Variants in BMPR1B observed in about 807,000 individuals in gnomAD.
The protein encoded by BMPR1B is bone morphogenetic protein receptor type-1B.
BMPR1B carries 12 observed loss-of-function variants against 59.1 expected under a neutral mutation model. The observed-to-expected ratio is 0.20, with a 90% CI of 0.13 to 0.33. The LOEUF (loss-of-function observed/expected upper bound fraction) is 0.33, where lower values mean the gene tolerates loss of function less well. Among genes scored for constraint, BMPR1B ranks in the 10% least tolerant of loss-of-function variants. The pLI, the probability that BMPR1B is intolerant of heterozygous loss-of-function variation, is 1.00. For synonymous variants in BMPR1B, 237 were observed against 207.3 expected (o/e 1.14, Z -1.23); for missense variants, 550 against 610.9 (o/e 0.90, Z 1.05).
intron 3 of BMPR1B, among the ~76,000 whole-genome samples, chr4:95,065,255 G>A (rs760962203): frequency 6.6e-6 from 1 of 152,092 alleles, no homozygotes; most frequent in Non-Finnish European, 1.5e-5. Context: ...AAGACCATAG[G>A]TTGTGTTTTC....
chr4:95,066,932 C>G (rs537693242), intron 3 of BMPR1B, among the ~76,000 whole-genome samples: 1 of 152,126 alleles, frequency 6.6e-6, no homozygotes, highest in Non-Finnish European at 1.5e-5. Context: ...AGTTTTGGAA[C>G]GATTAAAGCA....
intron 1 of BMPR1B, among the ~76,000 whole-genome samples, chr4:94,805,984 A>G (rs535900102): frequency 6.6e-6 from 1 of 152,312 alleles, no homozygotes; most frequent in Admixed American, 6.5e-5. Flanking sequence ...CAATTTCCTT[A>G]AAATATATTT....
intron 3 of BMPR1B, among the ~76,000 whole-genome samples, chr4:95,104,083 T>C (rs1301636815): frequency 6.6e-6 from 1 of 151,772 alleles, no homozygotes; most frequent in Non-Finnish European, 1.5e-5. Context: ...GATGATAGTG[T>C]TTACCCATGG....
chr4:94,854,446 C>T (rs2148950135), intron 1 of BMPR1B, among the ~76,000 whole-genome samples: 1 of 152,182 alleles, frequency 6.6e-6, no homozygotes, highest in East Asian at 1.9e-4. Flanking sequence ...TCAGAAACAA[C>T]AAGGGGTATT....
chr4:94,801,954 G>A (rs1490428760), intron 1 of BMPR1B, among the ~76,000 whole-genome samples: 1 of 152,154 alleles, frequency 6.6e-6, no homozygotes, highest in African/African-American at 2.4e-5. Flanking sequence ...GTTATACTGT[G>A]TAAACAAAAG....
intron 3 of BMPR1B, among the ~76,000 whole-genome samples, chr4:95,065,067 C>T (rs115222209): frequency 1.3e-5 from 2 of 152,238 alleles, no homozygotes; most frequent in Non-Finnish European, 2.9e-5. Flanking sequence ...AAAAAACTTG[C>T]ACCCAGATGT....
chr4:94,955,079 A>G (rs1196816995), intron 2 of BMPR1B, among the ~76,000 whole-genome samples: 2 of 152,166 alleles, frequency 1.3e-5, no homozygotes, highest in South Asian at 2.1e-4. Flanking sequence ...TATAGTATGC[A>G]TATTTCTATC....
At chr4:94,900,394 T>TAATC (rs1465280366) in intron 2 of BMPR1B, among the ~76,000 whole-genome samples, 1 of 151,994 alleles carries the variant, frequency 6.6e-6, no homozygotes, top group Admixed American at 6.6e-5. Context: ...TTTTACATGT[T>TAATC]AATCAGAGTG....
At chr4:94,877,798 TAGAAGTGTA>T (rs139018054) in intron 2 of BMPR1B, among the ~76,000 whole-genome samples, 2,949 of 152,284 alleles carry the variant, frequency 0.019, 112 homozygotes, top group African/African-American at 0.066. Flanking sequence ...TATATATGTA[TAGAAGTGTA>T]ATATTTATTA....
intron 1 of BMPR1B, among the ~76,000 whole-genome samples, chr4:94,868,691 G>A (rs190716931): frequency 2.6e-5 from 4 of 152,308 alleles, no homozygotes; most frequent in Non-Finnish European, 5.9e-5. Flanking sequence ...GCTTGAGGCT[G>A]TGAACAACAG....
In BMPR1B at chr4:95,135,866, C is replaced by T. The variant is rs1733739018; in HGVS notation, c.1076+4354C>T. The stretch of plus-strand genomic sequence containing the variant: ...GAATACCCTTTATTTCTTTCTCCTG[C>T]TGGATTGCTTTGGCCAGAACTTCCA... On this transcript the variant is annotated intron_variant, in intron 10 of 12. Transcript: ENST00000515059. Among the ~76,000 whole-genome samples the T allele has an allele frequency of 2.0e-5, 3 of 152,102 alleles. No individual in the cohort carries two copies. In the South Asian group the frequency reaches 6.2e-4, roughly 32 times the overall value.
chr4:94,815,737 C>T (rs1350386234), intron 1 of BMPR1B, among the ~76,000 whole-genome samples: 1 of 152,140 alleles, frequency 6.6e-6, no homozygotes, highest in East Asian at 1.9e-4. Context: ...GTGATTTATA[C>T]CATAGCCTAT....
chr4:94,909,154 A>C (rs913698358), intron 2 of BMPR1B, among the ~76,000 whole-genome samples: 1 of 152,032 alleles, frequency 6.6e-6, no homozygotes, highest in Admixed American at 6.6e-5. Context: ...TAAGGACAGC[A>C]GTCATTGAAT....
chr4:94,919,911 C>T (rs1401581245), intron 2 of BMPR1B, among the ~76,000 whole-genome samples: 5 of 152,228 alleles, frequency 3.3e-5, no homozygotes, highest in East Asian at 3.9e-4. Context: ...GGGACAGTGT[C>T]GTCATTTTTC....
At chr4:95,019,265 G>T (rs950154221) in intron 3 of BMPR1B, among the ~76,000 whole-genome samples, 1 of 152,120 alleles carries the variant, frequency 6.6e-6, no homozygotes. Context: ...TGGAGTGAGG[G>T]TAACAAATTT....
At chr4:94,849,097 A>G (rs758292141) in intron 1 of BMPR1B, among the ~76,000 whole-genome samples, 6 of 152,214 alleles carry the variant, frequency 3.9e-5, no homozygotes, top group Non-Finnish European at 7.3e-5. Context: ...ACTAAGTGGT[A>G]CAAGACCATG....
At chr4:94,952,579 T>TC (rs2149056453) in intron 2 of BMPR1B, among the ~76,000 whole-genome samples, 1 of 152,270 alleles carries the variant, frequency 6.6e-6, no homozygotes, top group South Asian at 2.1e-4. Context: ...TTTGAGTGAG[T>TC]TTCTTAATTC....
intron 2 of BMPR1B, among the ~76,000 whole-genome samples, chr4:94,883,153 A>G (rs1727047534): frequency 1.3e-5 from 2 of 152,100 alleles, no homozygotes; most frequent in Non-Finnish European, 1.5e-5. Flanking sequence ...CCCTTCTTCC[A>G]CTGATGAGAG....
chr4:94,970,556 G>A (rs1396396370), intron 2 of BMPR1B, among the ~76,000 whole-genome samples: 1 of 152,044 alleles, frequency 6.6e-6, no homozygotes, highest in Non-Finnish European at 1.5e-5. Context: ...CAGGCAATCT[G>A]CCTGCCTTGG....
Sources: allele counts gnomAD v4.1 joint callset (sites outside exome capture counted in the v4.1 genomes callset), GRCh38; gene constraint gnomAD v4.1.1; transcripts MANE v1.5; gene names NCBI Gene and HGNC (gene_info 2026-07-23, HGNC 2026-07-21).